Variants in SLC30A8 observed in about 807,000 individuals in gnomAD.
The protein encoded by SLC30A8 is solute carrier family 30 member 8.
A neutral mutation model predicts 36.9 loss-of-function variants in SLC30A8; 27 were observed. That is an observed-to-expected ratio of 0.73 (90% CI 0.54 to 1.01). The LOEUF (loss-of-function observed/expected upper bound fraction) is 1.01, where lower values mean the gene tolerates loss of function less well. SLC30A8 is among the 50% of genes least tolerant of loss of function. The probability of loss-of-function intolerance (pLI) is 0.00; values close to 1 mark genes in which losing one functional copy is unlikely to be tolerated. For synonymous variants in SLC30A8, 164 were observed against 172.4 expected (o/e 0.95, Z 0.38); for missense variants, 439 against 452.0 (o/e 0.97, Z 0.26).
intron 1 of SLC30A8, among the ~76,000 whole-genome samples, chr8:116,988,666 A>T (rs1815532592): frequency 6.6e-6 from 1 of 152,196 alleles, no homozygotes; most frequent in Non-Finnish European, 1.5e-5. Context: ...ATTGTCAAAG[A>T]CCATGCTGGT....
chr8:116,976,577 C>T (rs1815019790), intron 1 of SLC30A8, among the ~76,000 whole-genome samples: 1 of 152,162 alleles, frequency 6.6e-6, no homozygotes, highest in African/African-American at 2.4e-5. Flanking sequence ...GAAGGGCATA[C>T]TCTCCAACGT....
chr8:117,050,954 A>G (rs540352696), intron 2 of SLC30A8, among the ~76,000 whole-genome samples: 1 of 152,318 alleles, frequency 6.6e-6, no homozygotes, highest in Admixed American at 6.5e-5. Context: ...TCTTCTGCGA[A>G]ATGGAGCTAA....
intron 1 of SLC30A8, among the ~76,000 whole-genome samples, chr8:116,961,841 T>C (rs1814434505): frequency 6.6e-6 from 1 of 151,884 alleles, no homozygotes; most frequent in African/African-American, 2.4e-5. Flanking sequence ...CATAGCTCAC[T>C]GTAGCCTCAA....
chr8:117,157,395 C>T (rs955216531), intron 3 of SLC30A8, among the ~76,000 whole-genome samples: 1 of 151,952 alleles, frequency 6.6e-6, no homozygotes, highest in Non-Finnish European at 1.5e-5. Flanking sequence ...ATTAAGATCC[C>T]CAAGGAAAAC....
At chr8:117,040,200 C>T (rs981644505) in intron 2 of SLC30A8, among the ~76,000 whole-genome samples, 4 of 152,216 alleles carry the variant, frequency 2.6e-5, no homozygotes, top group African/African-American at 9.7e-5. Flanking sequence ...GATATCTTCT[C>T]ATACAAGAGA....
intron 1 of SLC30A8, among the ~76,000 whole-genome samples, chr8:117,141,127 A>G (rs1007571943): frequency 1.3e-5 from 2 of 152,172 alleles, no homozygotes; most frequent in African/African-American, 4.8e-5. Context: ...CTCATCACAA[A>G]TTCTTCCCCA....
intron 1 of SLC30A8, among the ~76,000 whole-genome samples, chr8:116,996,500 G>T (rs1815824943): frequency 6.6e-6 from 1 of 152,220 alleles, no homozygotes; most frequent in African/African-American, 2.4e-5. Flanking sequence ...TGTGGTGAGG[G>T]TACTTAAAAT....
At chr8:117,092,281 T>C (rs1819166208) in intron 2 of SLC30A8, among the ~76,000 whole-genome samples, 1 of 152,198 alleles carries the variant, frequency 6.6e-6, no homozygotes, top group South Asian at 2.1e-4. Context: ...TTTCAAATTG[T>C]CATTGCATGA....
chr8:117,049,085 G>A (rs1273846993), intron 2 of SLC30A8, among the ~76,000 whole-genome samples: 1 of 152,132 alleles, frequency 6.6e-6, no homozygotes, highest in South Asian at 2.1e-4. Context: ...TTTTAGAATG[G>A]ATTAAATAAG....
chr8:117,015,138 CACAA>C (rs917236799), intron 1 of SLC30A8, among the ~76,000 whole-genome samples: 1 of 151,922 alleles, frequency 6.6e-6, no homozygotes, highest in Non-Finnish European at 1.5e-5. Flanking sequence ...AACTGCGTGG[CACAA>C]ACAAGAGGAT....
At position 116,957,084 on chromosome 8, in the gene SLC30A8, A is replaced by G. The variant is rs1814235220; in HGVS notation, c.-266+5965A>G. Among the ~76,000 whole-genome samples, 4 of 152,332 alleles carry G rather than the reference A, an allele frequency of 2.6e-5. No individual in the cohort carries two copies. The South Asian group carries it at 6.2e-4, about 24-fold the overall frequency. On this transcript the variant is annotated intron_variant, in intron 1 of 10. Transcript: ENST00000427715. ...ATTAAGAAAGACCCTGTCAGGGTAC[A>G]GATGGTCTTACACATAAAAAAGTGG...
At chr8:117,169,978 G>A (rs1172306894) in intron 6 of SLC30A8, among the ~76,000 whole-genome samples, 1 of 152,082 alleles carries the variant, frequency 6.6e-6, no homozygotes, top group Non-Finnish European at 1.5e-5. Context: ...TGGGGTTGGG[G>A]CTGGCTTTGG....
intron 1 of SLC30A8, among the ~76,000 whole-genome samples, chr8:117,026,067 A>G (rs1213851359): frequency 6.6e-6 from 1 of 152,008 alleles, no homozygotes; most frequent in East Asian, 1.9e-4. Flanking sequence ...TGCAGGGGGG[A>G]GAAAAGGAGA....
intron 2 of SLC30A8, among the ~76,000 whole-genome samples, chr8:117,071,967 G>A (rs1032881584): frequency 1.2e-4 from 18 of 151,852 alleles, no homozygotes; most frequent in African/African-American, 4.3e-4. Flanking sequence ...TTTGTTCTGC[G>A]TTCTAAGAGC....
chr8:117,022,822 G>T lies in SLC30A8; in HGVS notation c.-265-16397G>T, dbSNP rs1340297840. Among the ~76,000 whole-genome samples, 3 of 152,244 alleles carry T rather than the reference G, an allele frequency of 2.0e-5. No homozygotes were observed. In the East Asian group the frequency reaches 5.8e-4, roughly 29 times the overall value. On this transcript the variant is annotated intron_variant, in intron 1 of 10. Coordinates refer to the SLC30A8 transcript ENST00000427715. Reference sequence around the variant, plus strand: ...CATTCAGGACATAGGCATGGGCAAGGACTTCATGTCTAAAACACCAAAAGC... The same window carrying T: ...CATTCAGGACATAGGCATGGGCAAGTACTTCATGTCTAAAACACCAAAAGC...
chr8:117,045,951 T>G (rs1428938395), intron 2 of SLC30A8, among the ~76,000 whole-genome samples: 1 of 151,626 alleles, frequency 6.6e-6, no homozygotes, highest in Non-Finnish European at 1.5e-5. Flanking sequence ...TTTCTTTCTT[T>G]TTTTTTTTAA....
At chr8:116,958,151 G>A (rs969961348) in intron 1 of SLC30A8, among the ~76,000 whole-genome samples, 4 of 152,178 alleles carry the variant, frequency 2.6e-5, no homozygotes, top group Non-Finnish European at 5.9e-5. Flanking sequence ...GTCATGCCAC[G>A]TCAGGGCTGG....
rs538324575 is a variant in SLC30A8, at chr8:117,039,892, C to G, written c.-226+634C>G. Among the ~76,000 whole-genome samples, 20 of 152,328 alleles carry G rather than the reference C, an allele frequency of 1.3e-4. No homozygotes were observed. The East Asian group carries it at 3.9e-3, about 29-fold the overall frequency. On this transcript the variant is annotated intron_variant, in intron 2 of 10. Transcript: ENST00000427715. ...ATAGCTTTTGATTTTTTTCTGACCT[C>G]TAGACCTTTCTAGGCCTTTTGATAA...
chr8:117,044,700 G>T (rs1025550393), intron 2 of SLC30A8, among the ~76,000 whole-genome samples: 14 of 152,204 alleles, frequency 9.2e-5, no homozygotes, highest in Non-Finnish European at 1.9e-4. Flanking sequence ...CTTTTTAGCA[G>T]AGCTTGAACA....
Sources: gnomAD v4.1 joint callset for allele counts (sites outside exome capture counted in the v4.1 genomes callset) on GRCh38, gnomAD v4.1.1 for gene constraint, MANE v1.5 for transcripts, NCBI Gene and HGNC (gene_info 2026-07-23, HGNC 2026-07-21) for gene names.